Variants in MIPOL1 observed in about 807,000 individuals in gnomAD.
MIPOL1 encodes mirror-image polydactyly gene 1 protein.
A neutral mutation model predicts 60.9 loss-of-function variants in MIPOL1; 57 were observed. The ratio of observed to expected loss-of-function variants is 0.94; its 90% CI spans 0.76 to 1.17. The LOEUF is 1.17. Among genes scored for constraint, MIPOL1 ranks in the 50% most tolerant of loss-of-function variants. The probability of loss-of-function intolerance (pLI) is 0.00; values close to 1 mark genes in which losing one functional copy is unlikely to be tolerated. For missense variants in MIPOL1, 551 were observed against 511.6 expected (o/e 1.08, Z -0.74); for synonymous variants, 179 against 168.8 (o/e 1.06, Z -0.47).
intron 11 of MIPOL1, among the ~76,000 whole-genome samples, chr14:37,463,600 G>A (rs2094565348): frequency 1.3e-5 from 2 of 152,124 alleles, no homozygotes; most frequent in East Asian, 3.9e-4. Flanking sequence ...CCATATACAG[G>A]AATTAACTCA....
At chr14:37,421,544 CTTTAGA>C (rs1272589421) in intron 10 of MIPOL1, among the ~76,000 whole-genome samples, 2 of 152,024 alleles carry the variant, frequency 1.3e-5, no homozygotes, top group Non-Finnish European at 2.9e-5. Flanking sequence ...TCTATTTTTA[CTTTAGA>C]TGCTTTTCCC....
At chr14:37,210,665 G>A (rs1966762393) in intron 1 of MIPOL1, among the ~76,000 whole-genome samples, 1 of 152,062 alleles carries the variant, frequency 6.6e-6, no homozygotes, top group Non-Finnish European at 1.5e-5. Context: ...GTGCTGAATT[G>A]GCCTCTCAGT....
At chr14:37,475,883 T>C (rs2094765695) in intron 11 of MIPOL1, among the ~76,000 whole-genome samples, 1 of 152,210 alleles carries the variant, frequency 6.6e-6, no homozygotes, top group African/African-American at 2.4e-5. Flanking sequence ...GTTCTCCTTA[T>C]ATACTGAGTT....
At chr14:37,330,203 A>G (rs1380220503) in intron 9 of MIPOL1, among the ~76,000 whole-genome samples, 4 of 152,132 alleles carry the variant, frequency 2.6e-5, no homozygotes, top group Non-Finnish European at 5.9e-5. Context: ...ATATTAAACT[A>G]TAGAAATGCA....
intron 11 of MIPOL1, among the ~76,000 whole-genome samples, chr14:37,481,700 G>A (rs1956427): frequency 0.74 from 112,072 of 151,514 alleles, 41,597 homozygotes; most frequent in East Asian, 0.85. Context: ...CAACAGAGCT[G>A]TAGCAATTAA....
intron 1 of MIPOL1, among the ~76,000 whole-genome samples, chr14:37,221,064 A>G (rs1365444994): frequency 8.6e-5 from 13 of 151,682 alleles, no homozygotes; most frequent in Admixed American, 8.5e-4. Flanking sequence ...TTAAAATCTC[A>G]TTTGAAAATA....
intron 10 of MIPOL1, among the ~76,000 whole-genome samples, chr14:37,420,985 G>T (rs530610571): frequency 1.3e-3 from 192 of 152,170 alleles, no homozygotes; most frequent in Admixed American, 2.2e-3. Context: ...AATCACTAGG[G>T]CCTAGGAAAA....
At chr14:37,503,777 G>C (rs551268443) in intron 12 of MIPOL1, 1 of 152,238 alleles carries the variant, frequency 6.6e-6, no homozygotes, top group Non-Finnish European at 1.5e-5. Flanking sequence ...AAATGGAAAT[G>C]GGCTAAATGC....
intron 9 of MIPOL1, among the ~76,000 whole-genome samples, chr14:37,311,874 A>G (rs978619595): frequency 6.6e-6 from 1 of 152,114 alleles, no homozygotes. Flanking sequence ...CCATGATCCA[A>G]TCCAGGGTAG....
intron 11 of MIPOL1, among the ~76,000 whole-genome samples, chr14:37,449,525 A>G (rs2153573394): frequency 6.6e-6 from 1 of 152,282 alleles, no homozygotes; most frequent in South Asian, 2.1e-4. Flanking sequence ...CTTTTATACA[A>G]GTTGATGTTA....
At chr14:37,491,601 A>G (rs2095049091) in intron 11 of MIPOL1, among the ~76,000 whole-genome samples, 2 of 152,238 alleles carry the variant, frequency 1.3e-5, no homozygotes, top group South Asian at 2.1e-4. Flanking sequence ...TTACATTTCT[A>G]AACATGAATT....
chr14:37,206,120 G>T (rs72669600), intron 1 of MIPOL1, among the ~76,000 whole-genome samples: 1,838 of 152,238 alleles, frequency 0.012, 24 homozygotes, highest in Admixed American at 0.024. Context: ...TGTCCCCAGG[G>T]TATGTCAGAG....
At chr14:37,267,375 C>T (rs2082958324) in intron 4 of MIPOL1, among the ~76,000 whole-genome samples, 1 of 152,058 alleles carries the variant, frequency 6.6e-6, no homozygotes, top group Admixed American at 6.6e-5. Context: ...GTAATCCCAG[C>T]TACTCAGGAG....
chr14:37,466,318 A>G (rs1404027558), intron 11 of MIPOL1, among the ~76,000 whole-genome samples: 3 of 152,192 alleles, frequency 2.0e-5, no homozygotes, highest in Non-Finnish European at 4.4e-5. Flanking sequence ...ATGATTTTAT[A>G]TTAATTCTGA....
At chr14:37,456,267 G>GTTA (rs1300853727) in intron 11 of MIPOL1, among the ~76,000 whole-genome samples, 1 of 151,836 alleles carries the variant, frequency 6.6e-6, no homozygotes, top group Non-Finnish European at 1.5e-5. Flanking sequence ...TTCTTGAATA[G>GTTA]TTAACAAGTC....
In MIPOL1 at chr14:37,412,040, C is replaced by T. The variant is rs138588562; in HGVS notation, c.937-10815C>T. On this transcript the variant is annotated intron_variant, in intron 10 of 12. Transcript: ENST00000684589. ...TGCTACCAATGAGAAAATTTAGGTT[C>T]AGAAGCCTTAACTTGTTCAGTCATA... 3.8e-3 allele frequency among the ~76,000 whole-genome samples: 583 copies of T among 152,174 alleles called. 4 individuals are homozygous for T. The highest frequency in any genetic ancestry group is 0.03 in the South Asian group (146 of 4,832).
intron 12 of MIPOL1, among the ~76,000 whole-genome samples, chr14:37,511,745 G>A (rs1013200202): frequency 1.3e-5 from 2 of 152,056 alleles, no homozygotes; most frequent in Non-Finnish European, 2.9e-5. Context: ...AGGCTTATAA[G>A]GTTAGAACTC....
chr14:37,473,372 C>A (rs796447079), intron 11 of MIPOL1, among the ~76,000 whole-genome samples: 10 of 150,078 alleles, frequency 6.7e-5, no homozygotes, highest in African/African-American at 2.4e-4. Flanking sequence ...TTTTTTTTTT[C>A]TTTAAAACGA....
chr14:37,513,742 A>G (rs574304431), intron 12 of MIPOL1, among the ~76,000 whole-genome samples: 18 of 152,330 alleles, frequency 1.2e-4, no homozygotes, highest in Admixed American at 4.6e-4. Flanking sequence ...TTAGATTACA[A>G]CATGGCTTTT....
Sources: allele counts gnomAD v4.1 joint callset (sites outside exome capture counted in the v4.1 genomes callset), GRCh38; gene constraint gnomAD v4.1.1; transcripts MANE v1.5; gene names NCBI Gene and HGNC (gene_info 2026-07-23, HGNC 2026-07-21).